Variants in PRRX1 observed in about 807,000 individuals in gnomAD.
The protein encoded by PRRX1 is paired mesoderm homeobox protein 1.
PRRX1 carries 8 observed loss-of-function variants against 24.0 expected under a neutral mutation model. The ratio of observed to expected loss-of-function variants is 0.33; its 90% CI spans 0.20 to 0.60. The LOEUF (loss-of-function observed/expected upper bound fraction) is 0.60. PRRX1 is among the 20% of genes least tolerant of loss of function. The pLI is 0.82. For missense variants in PRRX1, 281 were observed against 322.4 expected (o/e 0.87, Z 0.98); for synonymous variants, 160 against 131.7 (o/e 1.22, Z -1.47).
chr1:170,715,824 A>G (rs1447807013), intron 1 of PRRX1, among the ~76,000 whole-genome samples: 1 of 152,168 alleles, frequency 6.6e-6, no homozygotes, highest in Non-Finnish European at 1.5e-5. Context: ...TCTTTCTCAG[A>G]CCCTCTTTAT....
intron 1 of PRRX1, among the ~76,000 whole-genome samples, chr1:170,695,203 TC>T (rs1262531401): frequency 2.6e-5 from 4 of 152,080 alleles, no homozygotes; most frequent in African/African-American, 9.7e-5. Context: ...CCCTTCCAAA[TC>T]TCTTACTGGC....
intron 3 of PRRX1, among the ~76,000 whole-genome samples, chr1:170,732,050 C>T (rs1377030735): frequency 2.6e-5 from 4 of 152,148 alleles, no homozygotes; most frequent in Non-Finnish European, 5.9e-5. Context: ...AAGGCAAGAC[C>T]AACAGGCAGG....
chr1:170,724,000 A>T (rs928944540), intron 2 of PRRX1, among the ~76,000 whole-genome samples: 2 of 152,232 alleles, frequency 1.3e-5, no homozygotes, highest in Non-Finnish European at 2.9e-5. Context: ...CCTCAACTGT[A>T]AAATAGAAAT....
Position 170,664,510 on chromosome 1 carries a change from G to A in PRRX1, c.241+51G>A, listed in dbSNP as rs957044792. 3.5e-5 allele frequency: 55 copies of A among 1,559,658 alleles called. 1 individual carries two copies. Among genetic ancestry groups the A allele is most frequent in the Non-Finnish European group, 4.7e-5 (54 of 1,152,572 alleles). On this transcript the variant is annotated intron_variant, in intron 1 of 3. Transcript: ENST00000239461. ...GGGTGTGTGCCCGGGACAGAGGGCGGGGACCCGTGTAGGGCAGCTAGAGCC... is the reference window on the plus strand; with the variant it reads ...GGGTGTGTGCCCGGGACAGAGGGCGAGGACCCGTGTAGGGCAGCTAGAGCC...
At chr1:170,733,266 C>T (rs926795912) in intron 3 of PRRX1, among the ~76,000 whole-genome samples, 1 of 152,118 alleles carries the variant, frequency 6.6e-6, no homozygotes, top group African/African-American at 2.4e-5. Context: ...TTATAGGAGA[C>T]ATTTCTGGGA....
intron 1 of PRRX1, among the ~76,000 whole-genome samples, chr1:170,689,742 A>T (rs925502294): frequency 6.6e-6 from 1 of 150,572 alleles, no homozygotes; most frequent in South Asian, 2.1e-4. Flanking sequence ...TGGGGAGTGC[A>T]TGGGATACAC....
chr1:170,688,311 A>G (rs1260739534), intron 1 of PRRX1, among the ~76,000 whole-genome samples: 1 of 151,982 alleles, frequency 6.6e-6, no homozygotes, highest in African/African-American at 2.4e-5. Flanking sequence ...CTGAAACTGG[A>G]CTGTACTGAG....
intron 1 of PRRX1, among the ~76,000 whole-genome samples, chr1:170,699,419 T>C (rs920440897): frequency 6.6e-6 from 1 of 151,986 alleles, no homozygotes; most frequent in African/African-American, 2.4e-5. Context: ...CATTTCTTTC[T>C]CTGTCCCATT....
chr1:170,735,980 G>A (rs1558065776), intron 3 of PRRX1, 68 bp from the exon 4 acceptor site: 6 of 1,597,198 alleles, frequency 3.8e-6, no homozygotes, highest in Non-Finnish European at 4.3e-6. Flanking sequence ...ATCCATCTGG[G>A]GCACAGACTT....
chr1:170,703,309 T>A (rs891598710), intron 1 of PRRX1, among the ~76,000 whole-genome samples: 1 of 151,232 alleles, frequency 6.6e-6, no homozygotes, highest in Non-Finnish European at 1.5e-5. Flanking sequence ...TCGTCCATTG[T>A]GTGCCCTGGG....
intron 1 of PRRX1, among the ~76,000 whole-genome samples, chr1:170,703,161 T>C (rs1220979883): frequency 6.6e-6 from 1 of 152,260 alleles, no homozygotes; most frequent in Non-Finnish European, 1.5e-5. Context: ...CGAATTCCTA[T>C]CCATTTCTTA....
At chr1:170,721,148 CTGAA>C (rs2101918610) in intron 2 of PRRX1, among the ~76,000 whole-genome samples, 1 of 152,286 alleles carries the variant, frequency 6.6e-6, no homozygotes, top group East Asian at 1.9e-4. Flanking sequence ...CCCAAAAAAA[CTGAA>C]TGAATAAGAG....
At chr1:170,698,228 G>A (rs1319902517) in intron 1 of PRRX1, among the ~76,000 whole-genome samples, 1 of 152,040 alleles carries the variant, frequency 6.6e-6, no homozygotes, top group Non-Finnish European at 1.5e-5. Context: ...CAACTTAACT[G>A]GCAACAAGGT....
intron 1 of PRRX1, among the ~76,000 whole-genome samples, chr1:170,686,211 G>T (rs562383284): frequency 1.4e-5 from 2 of 147,880 alleles, no homozygotes. Context: ...TGCTATTTAC[G>T]TTTCAGATAT....
intron 1 of PRRX1, among the ~76,000 whole-genome samples, chr1:170,689,751 A>C (rs1239932862): frequency 6.6e-6 from 1 of 151,772 alleles, no homozygotes; most frequent in African/African-American, 2.4e-5. Flanking sequence ...CATGGGATAC[A>C]CAGGTTGGGT....
At chr1:170,719,424 G>C (rs1440101558) in intron 1 of PRRX1, among the ~76,000 whole-genome samples, 1 of 152,162 alleles carries the variant, frequency 6.6e-6, no homozygotes, top group Non-Finnish European at 1.5e-5. Flanking sequence ...CATGGGCAGG[G>C]GTAAGATTTT....
intron 1 of PRRX1, among the ~76,000 whole-genome samples, chr1:170,676,669 T>G (rs1653330452): frequency 6.6e-6 from 1 of 152,150 alleles, no homozygotes; most frequent in South Asian, 2.1e-4. Context: ...GGCTAATTAT[T>G]TTCATTTTAC....
Position 170,736,261 on chromosome 1 carries a change from C to T in PRRX1, c.*75C>T, listed in dbSNP as rs907322395. 1.3e-6 allele frequency: 2 copies of T among 1,571,850 alleles called. No individual in the cohort carries two copies. The highest frequency in any genetic ancestry group is 1.7e-6 in the Non-Finnish European group (2 of 1,145,638). ...CACCTATCCTGCTCTGTTATTTCTT[C>T]ATCTGCTGGGGGGAAAAAGTAAATT... On this transcript the variant is annotated 3_prime_UTR_variant, in exon 4 of 4. Coordinates refer to ENST00000239461, the MANE Select transcript of PRRX1 (RefSeq NM_022716.4).
chr1:170,730,255 C>T (rs1655393121), intron 3 of PRRX1: 1 of 1,585,836 alleles, frequency 6.3e-7, no homozygotes, highest in Non-Finnish European at 8.7e-7. Context: ...CTTATTTCTC[C>T]CTTTCACACT....
Sources: allele counts gnomAD v4.1 joint callset (sites outside exome capture counted in the v4.1 genomes callset), GRCh38; gene constraint gnomAD v4.1.1; transcripts MANE v1.5; gene names NCBI Gene and HGNC (gene_info 2026-07-23, HGNC 2026-07-21).